CHM: variants seen among roughly 807,000 people sequenced by gnomAD.
The protein encoded by CHM is CHM Rab escort protein.
A neutral mutation model predicts 49.0 loss-of-function variants in CHM; 10 were observed. The ratio of observed to expected loss-of-function variants is 0.20; its 90% CI spans 0.13 to 0.35. The LOEUF is 0.35. Ranked by LOEUF, CHM falls within the 10% of genes least tolerant of loss-of-function variation. The probability of loss-of-function intolerance (pLI) is 1.00; values close to 1 mark genes in which losing one functional copy is unlikely to be tolerated. For missense variants in CHM, 455 were observed against 478.4 expected, an observed-to-expected ratio of 0.95 and a Z score of 0.46; for synonymous variants, 184 against 167.5, an observed-to-expected ratio of 1.10 and a Z score of -0.76.
intron 8 of CHM, among the ~76,000 whole-genome samples, chrX:85,952,316 G>T (rs749768192): frequency 8.1e-5 from 9 of 110,661 alleles, no homozygotes; most frequent in Non-Finnish European, 1.5e-4. Flanking sequence ...AATTCCTTCT[G>T]CTTGAGAAGA....
intron 8 of CHM, among the ~76,000 whole-genome samples, chrX:85,928,417 C>T (rs1928218829): frequency 9.1e-6 from 1 of 110,261 alleles, no homozygotes; most frequent in Non-Finnish European, 1.9e-5. Context: ...GTGGCGGGCG[C>T]CTGCAGTCCC....
chrX:85,911,757 T>G (rs973264712), intron 8 of CHM, among the ~76,000 whole-genome samples: 1 of 111,550 alleles, frequency 9.0e-6, no homozygotes, highest in African/African-American at 3.3e-5. Flanking sequence ...CTCCTAGATA[T>G]TTTACTTACA....
intron 11 of CHM, among the ~76,000 whole-genome samples, chrX:85,900,128 G>T (rs1030464908): frequency 9.0e-6 from 1 of 111,435 alleles, no homozygotes; most frequent in African/African-American, 3.3e-5. Flanking sequence ...TGGAAGAATG[G>T]GTTTTTTAAA....
intron 1 of CHM, among the ~76,000 whole-genome samples, chrX:86,035,787 ATTTTTT>A (rs1172786407): frequency 2.6e-5 from 2 of 76,793 alleles, no homozygotes; most frequent in Admixed American, 1.5e-4. Flanking sequence ...AAAAGAGTTC[ATTTTTT>A]TTTTTTTTTT....
chrX:86,045,269 T>C (rs1239961667), intron 1 of CHM, among the ~76,000 whole-genome samples: 1 of 112,310 alleles, frequency 8.9e-6, no homozygotes, highest in Admixed American at 9.4e-5. Flanking sequence ...TTTTAAAGGC[T>C]ACTTTCAGCA....
intron 8 of CHM, among the ~76,000 whole-genome samples, chrX:85,914,480 T>G (rs1927333084): frequency 9.0e-6 from 1 of 110,682 alleles, no homozygotes; most frequent in Admixed American, 9.6e-5. Context: ...CATCAGAGTA[T>G]TTTTGAAGAC....
chrX:85,950,707 G>T lies in CHM; in HGVS notation c.1166+5446C>A, dbSNP rs1353860234. Among the ~76,000 whole-genome samples the T allele has an allele frequency of 4.5e-5, 5 of 111,672 alleles. 1 individual carries two copies. Among genetic ancestry groups the T allele is most frequent in the Admixed American group, 3.8e-4 (4 of 10,539 alleles). On this transcript the variant is annotated intron_variant, in intron 8 of 14. Coordinates refer to ENST00000357749, the MANE Select transcript of CHM (RefSeq NM_000390.4). ...AATTTACAGACAGAAAAAGCACAAT[G>T]TATTTAGTTGAACCATAGGATAATG...
chrX:85,915,893 T>C (rs1359016196), intron 8 of CHM, among the ~76,000 whole-genome samples: 1 of 112,363 alleles, frequency 8.9e-6, no homozygotes, highest in Non-Finnish European at 1.9e-5. Flanking sequence ...ATAGATTCAA[T>C]GCTATTTCCA....
intron 14 of CHM, among the ~76,000 whole-genome samples, chrX:85,868,886 T>C (rs766773765): frequency 2.7e-4 from 30 of 112,322 alleles, no homozygotes; most frequent in African/African-American, 9.7e-4. Flanking sequence ...TCTGATCTTA[T>C]CATATACCAT....
chrX:86,034,795 C>CA (rs1043724497), intron 1 of CHM, among the ~76,000 whole-genome samples: 42 of 107,704 alleles, frequency 3.9e-4, no homozygotes, highest in African/African-American at 1.1e-3. Flanking sequence ...CAAAACAAAA[C>CA]AAAAAAAAAG....
intron 2 of CHM, among the ~76,000 whole-genome samples, chrX:86,004,960 A>T (rs1013764251): frequency 1.8e-5 from 2 of 112,265 alleles, no homozygotes; most frequent in Non-Finnish European, 3.8e-5. Context: ...CAGAATATAC[A>T]TTCTTCTCAG....
chrX:85,881,879 A>G (rs1924784839), intron 12 of CHM, among the ~76,000 whole-genome samples: 1 of 112,232 alleles, frequency 8.9e-6, no homozygotes, highest in African/African-American at 3.2e-5. Context: ...ATTCTGTAGA[A>G]ATAATAATTG....
chrX:85,957,367 G>A (rs1930057760), intron 7 of CHM, among the ~76,000 whole-genome samples: 1 of 110,410 alleles, frequency 9.1e-6, no homozygotes, highest in Non-Finnish European at 1.9e-5. Context: ...TCTGAATCCA[G>A]TATTTTTCCC....
intron 9 of CHM, among the ~76,000 whole-genome samples, chrX:85,908,189 T>C (rs1382926762): frequency 8.9e-6 from 1 of 112,300 alleles, no homozygotes; most frequent in Non-Finnish European, 1.9e-5. Context: ...AACAATTGTT[T>C]AAGCCAGCCT....
At position 85,958,782 on chromosome X, in the gene CHM, T is replaced by C; in HGVS notation, c.819+79A>G. 7.5e-6 allele frequency: 9 copies of C among 1,195,821 alleles called. No individual in the cohort carries two copies. The South Asian group carries it at 1.3e-4, about 17-fold the overall frequency. ...TACTGCTTTATGAGGAAAATAACAA[T>C]CTTATTTGCTTATCTTTCCAAAACA... On this transcript the variant is annotated intron_variant, in intron 6 of 14. Coordinates refer to ENST00000357749, the MANE Select transcript of CHM (RefSeq NM_000390.4).
rs1404129615 is a variant in CHM at position 85,873,866 on chromosome X, A to G, written c.1610-654T>C. 3.6e-5 allele frequency among the ~76,000 whole-genome samples: 4 copies of G among 111,996 alleles called. No individual in the cohort carries two copies. The East Asian group carries it at 1.1e-3, about 31-fold the overall frequency. ...ACTTTGTTGTCCTAACTCACATCCTAATGCTTTGTCTTATTGGATTAAAAA... is the reference window on the plus strand; with the variant it reads ...ACTTTGTTGTCCTAACTCACATCCTGATGCTTTGTCTTATTGGATTAAAAA... On this transcript the variant is annotated intron_variant, in intron 13 of 14. Transcript: ENST00000357749.
intron 8 of CHM, among the ~76,000 whole-genome samples, chrX:85,948,212 A>G (rs1449235349): frequency 8.9e-6 from 1 of 112,244 alleles, no homozygotes; most frequent in East Asian, 2.8e-4. Context: ...AACCACACAA[A>G]TAAACAAATA....
intron 1 of CHM, among the ~76,000 whole-genome samples, chrX:86,027,889 G>C (rs918918429): frequency 9.1e-6 from 1 of 110,162 alleles, no homozygotes; most frequent in Non-Finnish European, 1.9e-5. Context: ...TCAGCCTCCC[G>C]AGTAGCTGGG....
chrX:85,978,927 T>C lies in CHM; in HGVS notation c.190-36A>G, dbSNP rs767735105. ...CACAGATAAGAAGTTTTAATCAAAG[T>C]GGGCAGTGTGAAACATGCAATTTTC... is the stretch of plus-strand genomic sequence containing the variant. On this transcript the variant is annotated intron_variant, in intron 3 of 14. Transcript: ENST00000357749. 3.5e-5 allele frequency: 41 copies of C among 1,179,463 alleles called. 1 individual carries two copies. The Admixed American group carries it at 8.5e-4, about 24-fold the overall frequency.
Sources: gnomAD v4.1 joint callset for allele counts (sites outside exome capture counted in the v4.1 genomes callset) on GRCh38, gnomAD v4.1.1 for gene constraint, MANE v1.5 for transcripts, NCBI Gene and HGNC (gene_info 2026-07-23, HGNC 2026-07-21) for gene names.